The following MEI4 variants were observed in gnomAD, a reference collection of about 807,000 sequenced individuals.
MEI4 encodes meiosis-specific protein MEI4.
A neutral mutation model predicts 31.4 loss-of-function variants in MEI4; 27 were observed. The ratio of observed to expected loss-of-function variants is 0.86; its 90% CI spans 0.63 to 1.19. The LOEUF is 1.19. MEI4 is among the 50% of genes most tolerant of loss of function. MEI4 has a pLI of 0.00. For missense variants in MEI4, 329 were observed against 398.9 expected (o/e 0.82, Z 1.49); for synonymous variants, 122 against 145.4 (o/e 0.84, Z 1.16).
At position 77,799,180 on chromosome 6, in the gene MEI4, C is replaced by T. The variant is rs1401460307; in HGVS notation, c.769-29751C>T. Among the ~76,000 whole-genome samples, 6 of 152,016 alleles carry T rather than the reference C, an allele frequency of 3.9e-5. No homozygotes were observed. In the South Asian group the frequency reaches 1.0e-3, roughly 26 times the overall value. ...TTGTTTCCTGACTTTTTAATGATTG[C>T]CATTCTAACTGGTGTGAGATGGTAT... On this transcript the variant is annotated intron_variant, in intron 3 of 4. Transcript: ENST00000684080.
intron 1 of MEI4, among the ~76,000 whole-genome samples, chr6:77,673,386 A>G (rs1398557108): frequency 1.3e-5 from 2 of 152,240 alleles, no homozygotes; most frequent in Non-Finnish European, 2.9e-5. Context: ...AACAATTGTT[A>G]CTAACATATT....
intron 2 of MEI4, among the ~76,000 whole-genome samples, chr6:77,694,163 C>T (rs1769211627): frequency 1.3e-5 from 2 of 151,968 alleles, no homozygotes; most frequent in African/African-American, 4.8e-5. Flanking sequence ...TCAATATAAT[C>T]ATGTTATGCT....
intron 3 of MEI4, among the ~76,000 whole-genome samples, chr6:77,821,652 A>C (rs13216084): frequency 1.3e-5 from 2 of 151,880 alleles, no homozygotes; most frequent in East Asian, 1.9e-4. Context: ...AAAATTAGCC[A>C]GGCATGGTGG....
chr6:77,856,893 A>G (rs756564724), intron 4 of MEI4, among the ~76,000 whole-genome samples: 2 of 152,082 alleles, frequency 1.3e-5, no homozygotes, highest in Non-Finnish European at 2.9e-5. Flanking sequence ...TCAGTTCCAT[A>G]TTTTGAGTAC....
intron 1 of MEI4, among the ~76,000 whole-genome samples, chr6:77,677,765 GA>G (rs1768871578): frequency 6.6e-6 from 1 of 152,118 alleles, no homozygotes; most frequent in African/African-American, 2.4e-5. Context: ...AAGTTTAGCA[GA>G]AAAATCCTTT....
intron 4 of MEI4, among the ~76,000 whole-genome samples, chr6:77,833,210 C>T (rs912292723): frequency 5.9e-5 from 9 of 151,622 alleles, no homozygotes; most frequent in African/African-American, 1.5e-4. Flanking sequence ...ACATAATCAC[C>T]GTGGTTTTCT....
At chr6:77,882,385 A>T (rs1339503058) in intron 4 of MEI4, among the ~76,000 whole-genome samples, 1 of 152,192 alleles carries the variant, frequency 6.6e-6, no homozygotes, top group Non-Finnish European at 1.5e-5. Flanking sequence ...TTTCAGAATA[A>T]TCATCTGTTT....
chr6:77,794,100 A>G (rs922631122), intron 3 of MEI4, among the ~76,000 whole-genome samples: 1 of 152,208 alleles, frequency 6.6e-6, no homozygotes, highest in African/African-American at 2.4e-5. Flanking sequence ...AAGTGAAGGG[A>G]TGGAAAGCGA....
chr6:77,856,775 GACCTAAGCACTCTCATCTTATCCACCT>G (rs1360767764), intron 4 of MEI4, among the ~76,000 whole-genome samples: 6 of 151,974 alleles, frequency 3.9e-5, no homozygotes, highest in Non-Finnish European at 7.4e-5. Context: ...CTTATCCACC[GACCTAAGCACTCTCATCTTATCCACCT>G]ACCTAAGCAC....
At chr6:77,801,455 T>C (rs1435027198) in intron 3 of MEI4, among the ~76,000 whole-genome samples, 1 of 152,172 alleles carries the variant, frequency 6.6e-6, no homozygotes, top group African/African-American at 2.4e-5. Context: ...GATTCATTGA[T>C]TTTTTGAAGG....
intron 4 of MEI4, among the ~76,000 whole-genome samples, chr6:77,830,258 G>C (rs1294973909): frequency 6.6e-6 from 1 of 152,034 alleles, no homozygotes; most frequent in African/African-American, 2.4e-5. Context: ...TGAAGAGTCT[G>C]GGGAAACAAG....
At chr6:77,877,112 C>T (rs939390143) in intron 4 of MEI4, among the ~76,000 whole-genome samples, 6 of 151,836 alleles carry the variant, frequency 4.0e-5, no homozygotes, top group Non-Finnish European at 8.8e-5. Context: ...TGATAGAAAT[C>T]GTAGAAATAC....
intron 3 of MEI4, among the ~76,000 whole-genome samples, chr6:77,780,536 GGT>G (rs1242375566): frequency 2.0e-5 from 3 of 152,036 alleles, no homozygotes; most frequent in Non-Finnish European, 4.4e-5. Context: ...ATGCAGCCTG[GGT>G]CTGCAGGTCA....
intron 2 of MEI4, among the ~76,000 whole-genome samples, chr6:77,727,671 C>G (rs554892288): frequency 3.9e-5 from 6 of 152,318 alleles, no homozygotes; most frequent in African/African-American, 1.4e-4. Context: ...TCTGGTCTTT[C>G]ACAGTGAAGT....
chr6:77,742,953 G>C (rs1240837152), intron 2 of MEI4, among the ~76,000 whole-genome samples: 2 of 151,982 alleles, frequency 1.3e-5, no homozygotes, highest in African/African-American at 4.8e-5. Flanking sequence ...TTATTTCTTA[G>C]GGCTCTGTTC....
chr6:77,815,426 G>T (rs72898582), intron 3 of MEI4, among the ~76,000 whole-genome samples: 14,192 of 152,062 alleles, frequency 0.093, 856 homozygotes, highest in Non-Finnish European at 0.13. Flanking sequence ...TTTAATAGAG[G>T]CATTTCTGAA....
chr6:77,909,252 A>C (rs1766373760), intron 4 of MEI4, among the ~76,000 whole-genome samples: 1 of 152,162 alleles, frequency 6.6e-6, no homozygotes, highest in Non-Finnish European at 1.5e-5. Flanking sequence ...CCTTCAAAAA[A>C]ATCAGTGAAT....
intron 1 of MEI4, among the ~76,000 whole-genome samples, chr6:77,682,405 C>T (rs760319152): frequency 2.6e-5 from 4 of 152,120 alleles, no homozygotes; most frequent in Non-Finnish European, 5.9e-5. Context: ...TTTCTTTACT[C>T]AATAATTATT....
intron 1 of MEI4, among the ~76,000 whole-genome samples, chr6:77,657,088 A>G (rs1768410742): frequency 6.6e-6 from 1 of 152,226 alleles, no homozygotes; most frequent in Admixed American, 6.5e-5. Context: ...GGCAAATAAT[A>G]GACAAATTCC....
Sources: allele counts gnomAD v4.1 joint callset (sites outside exome capture counted in the v4.1 genomes callset), GRCh38; gene constraint gnomAD v4.1.1; transcripts MANE v1.5; gene names NCBI Gene and HGNC (gene_info 2026-07-23, HGNC 2026-07-21).